MAD1L1: variants seen among roughly 807,000 people sequenced by gnomAD.
MAD1L1 encodes mitotic arrest deficient 1 like 1, also known as mitotic spindle assembly checkpoint protein MAD1.
Under a neutral mutation model 96.9 loss-of-function variants are expected in MAD1L1, and 95 were observed. The observed-to-expected ratio is 0.98, with a 90% CI of 0.83 to 1.16. MAD1L1 has a LOEUF of 1.16. Among genes scored for constraint, MAD1L1 ranks in the 50% most tolerant of loss-of-function variants. MAD1L1 has a pLI of 0.00. For missense variants in MAD1L1, 1,007 were observed against 954.4 expected, an observed-to-expected ratio of 1.06 and a Z score of -0.73; for synonymous variants, 473 against 396.6, an observed-to-expected ratio of 1.19 and a Z score of -2.29.
intron 17 of MAD1L1, among the ~76,000 whole-genome samples, chr7:1,923,486 G>GGGCACCCCCGCGCTCTTCCGCCCCGGCAC (rs1562527703): frequency 2.7e-5 from 4 of 150,234 alleles, no homozygotes; most frequent in Non-Finnish European, 3.0e-5. Flanking sequence ...CGCCCCGGCA[G>GGGCACCCCCGCGCTCTTCCGCCCCGGCAC]CCGGGCAACC....
intron 5 of MAD1L1, chr7:2,220,755 A>G: frequency 9.6e-7 from 1 of 1,042,128 alleles, no homozygotes; most frequent in South Asian, 1.7e-5. Flanking sequence ...CATGCCCACA[A>G]TATGTACGGT....
chr7:2,124,780 C>T (rs1222680806), intron 11 of MAD1L1, among the ~76,000 whole-genome samples: 1 of 152,176 alleles, frequency 6.6e-6, no homozygotes, highest in African/African-American at 2.4e-5. Flanking sequence ...GGGAGAAACT[C>T]TGAATTCAGG....
intron 14 of MAD1L1, among the ~76,000 whole-genome samples, chr7:1,997,526 G>C (rs951220135): frequency 6.6e-6 from 1 of 152,272 alleles, no homozygotes. Context: ...AGCTCAGGGC[G>C]AGCTCCCGCT....
intron 5 of MAD1L1, among the ~76,000 whole-genome samples, chr7:2,222,075 C>CTTTT (rs570570176): frequency 7.1e-6 from 1 of 141,736 alleles, no homozygotes; most frequent in Non-Finnish European, 1.6e-5. Flanking sequence ...AAGTGCTTAA[C>CTTTT]TTTTTTTTTT....
chr7:2,183,076 G>C (rs1470223971), intron 10 of MAD1L1, among the ~76,000 whole-genome samples: 1 of 151,984 alleles, frequency 6.6e-6, no homozygotes, highest in Non-Finnish European at 1.5e-5. Flanking sequence ...GAAAAAATTA[G>C]CCAGGTGTGG....
At chr7:2,166,441 T>G (rs965051584) in intron 10 of MAD1L1, among the ~76,000 whole-genome samples, 4 of 152,054 alleles carry the variant, frequency 2.6e-5, no homozygotes, top group Admixed American at 1.3e-4. Context: ...GCCAGAACAT[T>G]CCTGATTAAC....
At chr7:2,104,601 C>T (rs1220569469) in intron 11 of MAD1L1, among the ~76,000 whole-genome samples, 3 of 152,218 alleles carry the variant, frequency 2.0e-5, no homozygotes, top group African/African-American at 4.8e-5. Flanking sequence ...GCCAGCTCTT[C>T]GGTTTAAATG....
chr7:1,942,500 G>T (rs930934391), intron 16 of MAD1L1, among the ~76,000 whole-genome samples: 2 of 152,198 alleles, frequency 1.3e-5, no homozygotes, highest in Admixed American at 1.3e-4. Flanking sequence ...CCTGTGCTGA[G>T]GCCCGTCTCC....
chr7:2,017,767 C>A (rs997425805), intron 12 of MAD1L1, among the ~76,000 whole-genome samples: 3 of 152,280 alleles, frequency 2.0e-5, no homozygotes, highest in South Asian at 2.1e-4. Flanking sequence ...CCAAGCATGC[C>A]GATGATTCCC....
At chr7:2,037,029 C>T (rs1302800816) in intron 12 of MAD1L1, among the ~76,000 whole-genome samples, 1 of 152,116 alleles carries the variant, frequency 6.6e-6, no homozygotes, top group Non-Finnish European at 1.5e-5. Context: ...AAGACCTCCA[C>T]CTGCCGCATG....
At chr7:1,937,098 C>T (rs1035719043) in intron 16 of MAD1L1, among the ~76,000 whole-genome samples, 1 of 152,172 alleles carries the variant, frequency 6.6e-6, no homozygotes, top group African/African-American at 2.4e-5. Flanking sequence ...GCCCTGTGGA[C>T]AGGTGCAGGA....
chr7:2,145,160 G>A (rs191039150), intron 11 of MAD1L1, among the ~76,000 whole-genome samples: 10 of 152,212 alleles, frequency 6.6e-5, no homozygotes, highest in African/African-American at 1.9e-4. Flanking sequence ...ACAGCACCAC[G>A]TCCCGGGGAC....
chr7:2,155,125 T>C (rs561846347), intron 10 of MAD1L1, among the ~76,000 whole-genome samples: 2 of 152,192 alleles, frequency 1.3e-5, no homozygotes, highest in Admixed American at 6.5e-5. Context: ...GAAGGCTTGC[T>C]ACCTGAGGAA....
chr7:2,055,938 C>T (rs1784371813), intron 12 of MAD1L1, among the ~76,000 whole-genome samples: 1 of 152,080 alleles, frequency 6.6e-6, no homozygotes, highest in African/African-American at 2.4e-5. Flanking sequence ...GAGATCATGC[C>T]ACTGCACTCC....
In MAD1L1 at chr7:2,014,470, G is replaced by A. The variant is rs761984065; in HGVS notation, c.1359+32C>T. On this transcript the variant is annotated intron_variant, in intron 13 of 18. Transcript: ENST00000265854. Reference sequence around the variant, plus strand: ...GCCCACCGGGAAGAAGCCCCACCTGGCGACGTGAGCCCCACGCCCGCGGCC... The same window carrying A: ...GCCCACCGGGAAGAAGCCCCACCTGACGACGTGAGCCCCACGCCCGCGGCC... 2.6e-6 allele frequency: 4 copies of A among 1,525,314 alleles called. No individual in the cohort carries two copies. In the Admixed American group the frequency reaches 7.4e-5, roughly 28 times the overall value. The allele number at this position is 1,525,314 out of a possible 1,614,324, so 94.5% of individuals were successfully genotyped here.
chr7:1,975,734 G>C (rs1780606360), intron 15 of MAD1L1, among the ~76,000 whole-genome samples: 1 of 152,152 alleles, frequency 6.6e-6, no homozygotes, highest in African/African-American at 2.4e-5. Context: ...GTCCTGAAGA[G>C]TGGGGACCTC....
At chr7:1,929,742 C>CACTGCCCCG (rs1223667595) in intron 17 of MAD1L1, among the ~76,000 whole-genome samples, 12 of 150,948 alleles carry the variant, frequency 7.9e-5, no homozygotes, top group South Asian at 2.1e-4. Flanking sequence ...GCCACGTCCC[C>CACTGCCCCG]TCGCCCCGTC....
At chr7:2,035,120 T>C (rs56068044) in intron 12 of MAD1L1, among the ~76,000 whole-genome samples, 6,582 of 152,274 alleles carry the variant, frequency 0.043, 224 homozygotes, top group African/African-American at 0.089. Context: ...CCAGACACGA[T>C]GTGGGAGAAA....
intron 18 of MAD1L1, among the ~76,000 whole-genome samples, chr7:1,844,484 G>A (rs556735906): frequency 8.9e-4 from 135 of 152,276 alleles, no homozygotes; most frequent in Non-Finnish European, 1.9e-3. Context: ...GTCCCACCCC[G>A]CTGAAGGAGC....
Sources: allele counts gnomAD v4.1 joint callset (sites outside exome capture counted in the v4.1 genomes callset), GRCh38; gene constraint gnomAD v4.1.1; transcripts MANE v1.5; gene names NCBI Gene and HGNC (gene_info 2026-07-23, HGNC 2026-07-21).